ROBO2: variants seen among roughly 807,000 people sequenced by gnomAD.
The protein encoded by ROBO2 is roundabout homolog 2.
Under a neutral mutation model 160.8 loss-of-function variants are expected in ROBO2, and 53 were observed. That is an observed-to-expected ratio of 0.33 (90% CI 0.26 to 0.41). The LOEUF (loss-of-function observed/expected upper bound fraction) is 0.41. Among genes scored for constraint, ROBO2 ranks in the 10% least tolerant of loss-of-function variants. ROBO2 has a pLI of 1.00. For synonymous variants in ROBO2, 664 were observed against 611.7 expected (o/e 1.09, Z -1.26); for missense variants, 1,577 against 1,722.4 (o/e 0.92, Z 1.49).
chr3:76,229,563 T>C (rs1704496112), intron 2 of ROBO2, among the ~76,000 whole-genome samples: 1 of 152,174 alleles, frequency 6.6e-6, no homozygotes, highest in Admixed American at 6.5e-5. Flanking sequence ...TAAAGTATTA[T>C]TAATAGGAAT....
At chr3:76,037,476 C>T (rs1039149593) in intron 2 of ROBO2, among the ~76,000 whole-genome samples, 2 of 151,692 alleles carry the variant, frequency 1.3e-5, no homozygotes, top group African/African-American at 2.4e-5. Flanking sequence ...GGGCTGGTCT[C>T]GAACTCCTGA....
intron 2 of ROBO2, among the ~76,000 whole-genome samples, chr3:76,844,774 G>A (rs1216581008): frequency 6.6e-6 from 1 of 151,728 alleles, no homozygotes; most frequent in Non-Finnish European, 1.5e-5. Context: ...GTTCCTCCTT[G>A]TACCTAAGAC....
At chr3:75,920,600 G>A (rs1304596646) in intron 1 of ROBO2, among the ~76,000 whole-genome samples, 1 of 152,094 alleles carries the variant, frequency 6.6e-6, no homozygotes, top group Non-Finnish European at 1.5e-5. Flanking sequence ...TTCCTGTCCT[G>A]TTGATCTGTC....
intron 2 of ROBO2, among the ~76,000 whole-genome samples, chr3:76,752,555 G>A (rs948425234): frequency 6.7e-6 from 1 of 149,310 alleles, no homozygotes; most frequent in Non-Finnish European, 1.5e-5. Flanking sequence ...GGAGGTGTTA[G>A]GTAAGGACTA....
intron 2 of ROBO2, among the ~76,000 whole-genome samples, chr3:76,821,147 T>C (rs531107523): frequency 6.6e-6 from 1 of 152,110 alleles, no homozygotes; most frequent in East Asian, 1.9e-4. Flanking sequence ...AAATAAACAC[T>C]ACCATATAAT....
intron 2 of ROBO2, among the ~76,000 whole-genome samples, chr3:76,727,908 A>G (rs897450421): frequency 2.0e-5 from 3 of 152,202 alleles, no homozygotes; most frequent in Admixed American, 2.0e-4. Flanking sequence ...ATGATTTGAA[A>G]TGCCCTAACA....
intron 2 of ROBO2, among the ~76,000 whole-genome samples, chr3:76,878,589 A>C (rs2073019754): frequency 6.6e-6 from 1 of 152,108 alleles, no homozygotes; most frequent in Non-Finnish European, 1.5e-5. Flanking sequence ...ACCTAAGACC[A>C]ATATGAAAAT....
intron 2 of ROBO2, among the ~76,000 whole-genome samples, chr3:76,789,055 A>G (rs562730404): frequency 2.6e-5 from 4 of 151,608 alleles, no homozygotes; most frequent in African/African-American, 9.7e-5. Flanking sequence ...CTTTTGATCT[A>G]TCTGCCCAAC....
intron 2 of ROBO2, among the ~76,000 whole-genome samples, chr3:77,354,589 T>A (rs2068804516): frequency 6.6e-6 from 1 of 152,212 alleles, no homozygotes; most frequent in African/African-American, 2.4e-5. Context: ...ATGTCCATAT[T>A]TTCATGAAGT....
At chr3:76,031,004 G>A (rs995193727) in intron 2 of ROBO2, among the ~76,000 whole-genome samples, 1 of 152,170 alleles carries the variant, frequency 6.6e-6, no homozygotes, top group Admixed American at 6.5e-5. Context: ...CGTGAGCATG[G>A]AATGTTCTTC....
At chr3:76,397,390 T>G (rs2077522886) in intron 2 of ROBO2, among the ~76,000 whole-genome samples, 1 of 152,016 alleles carries the variant, frequency 6.6e-6, no homozygotes, top group South Asian at 2.1e-4. Flanking sequence ...AACCTAGGCA[T>G]TACCATTCAG....
chr3:76,806,937 T>C, intron 2 of ROBO2, among the ~76,000 whole-genome samples: 1 of 152,058 alleles, frequency 6.6e-6, no homozygotes, highest in Admixed American at 6.6e-5. Flanking sequence ...GAATCTTGAC[T>C]TGTGATTTGT....
intron 3 of ROBO2, 82 bp downstream of exon 3, chr3:77,477,653 A>C (rs2084180639): frequency 7.7e-7 from 1 of 1,298,940 alleles, no homozygotes; most frequent in Admixed American, 1.8e-5. Context: ...ATTCTTTAAC[A>C]TTATTAATAC....
chr3:76,680,902 G>A (rs1284293215), intron 2 of ROBO2, among the ~76,000 whole-genome samples: 1 of 151,824 alleles, frequency 6.6e-6, no homozygotes, highest in Non-Finnish European at 1.5e-5. Context: ...TCAGCCTCCC[G>A]AGTAGCGGAG....
intron 2 of ROBO2, among the ~76,000 whole-genome samples, chr3:77,298,985 C>A (rs987977716): frequency 9.9e-5 from 15 of 151,868 alleles, no homozygotes; most frequent in African/African-American, 3.1e-4. Flanking sequence ...TCTTCTAGGG[C>A]AAACAGAATT....
intron 2 of ROBO2, among the ~76,000 whole-genome samples, chr3:76,887,981 A>T (rs2074039849): frequency 6.6e-6 from 1 of 152,182 alleles, no homozygotes; most frequent in Non-Finnish European, 1.5e-5. Flanking sequence ...GGGACTTCAA[A>T]ATATTTTTCT....
chr3:76,096,661 G>A (rs1487836006), intron 2 of ROBO2, among the ~76,000 whole-genome samples: 1 of 152,086 alleles, frequency 6.6e-6, no homozygotes, highest in Non-Finnish European at 1.5e-5. Flanking sequence ...TTGACAATAT[G>A]CTAGGCATCA....
intron 11 of ROBO2, chr3:77,564,670 G>C: frequency 2.0e-6 from 1 of 512,254 alleles, no homozygotes; most frequent in Non-Finnish European, 3.5e-6. Context: ...TCCTTTTACA[G>C]GTATTCATTT....
chr3:76,622,486 T>C (rs758639846), intron 2 of ROBO2, among the ~76,000 whole-genome samples: 11 of 151,952 alleles, frequency 7.2e-5, no homozygotes, highest in Admixed American at 2.6e-4. Context: ...ATTTATTCTA[T>C]CTTATTGTTC....
Sources: gnomAD v4.1 joint callset for allele counts (sites outside exome capture counted in the v4.1 genomes callset) on GRCh38, gnomAD v4.1.1 for gene constraint, MANE v1.5 for transcripts, NCBI Gene and HGNC (gene_info 2026-07-23, HGNC 2026-07-21) for gene names.